Variants in AFG2A observed in about 807,000 individuals in gnomAD.
AFG2A encodes AAA ATPase AFG2A, also known as ATPase family gene 2 protein homolog A.
the AFG2A span, among the ~76,000 whole-genome samples, chr4:123,261,075 T>A: frequency 6.6e-6 from 1 of 152,132 alleles, no homozygotes; most frequent in Non-Finnish European, 1.5e-5. Flanking sequence ...ACAGTTTCAT[T>A]CCGAAACCAT....
At chr4:123,104,544 C>A in the AFG2A span, among the ~76,000 whole-genome samples, 1 of 152,142 alleles carries the variant, frequency 6.6e-6, no homozygotes, top group Non-Finnish European at 1.5e-5. Flanking sequence ...AATGGCATGT[C>A]AAAAGCTGAG....
the AFG2A span, among the ~76,000 whole-genome samples, chr4:123,023,731 C>T: frequency 0.021 from 3,266 of 152,146 alleles, 59 homozygotes; most frequent in Non-Finnish European, 0.035. Flanking sequence ...TATACTAACA[C>T]GGGCTCCGAG....
At chr4:123,040,785 T>A in the AFG2A span, among the ~76,000 whole-genome samples, 1 of 152,186 alleles carries the variant, frequency 6.6e-6, no homozygotes, top group South Asian at 2.1e-4. Context: ...ATTTAAAAAA[T>A]TGAGATATGG....
chr4:122,934,653 G>C, the AFG2A span: 4 of 1,612,360 alleles, frequency 2.5e-6, no homozygotes, highest in Middle Eastern at 1.6e-4. Flanking sequence ...CTTATGACAT[G>C]ATAGGAGGAT....
chr4:122,994,256 A>G, the AFG2A span, among the ~76,000 whole-genome samples: 28 of 152,138 alleles, frequency 1.8e-4, no homozygotes, highest in Admixed American at 1.8e-3. Context: ...GTACTGTGCT[A>G]TCTACTCTGG....
At chr4:122,993,771 A>G in the AFG2A span, among the ~76,000 whole-genome samples, 2 of 151,948 alleles carry the variant, frequency 1.3e-5, no homozygotes, top group Admixed American at 6.5e-5. Flanking sequence ...ATTGTCAGAA[A>G]TTGATATTGA....
At chr4:123,114,128 C>T in the AFG2A span, among the ~76,000 whole-genome samples, 14 of 152,052 alleles carry the variant, frequency 9.2e-5, no homozygotes, top group African/African-American at 2.4e-4. Context: ...TCTCTGCAGT[C>T]GGTCCCTCCA....
chr4:123,021,546 T>C, the AFG2A span, among the ~76,000 whole-genome samples: 1 of 152,230 alleles, frequency 6.6e-6, no homozygotes, highest in Non-Finnish European at 1.5e-5. Flanking sequence ...AATCACTTGA[T>C]TGATGTGTTT....
chr4:123,223,611 G>A, the AFG2A span, among the ~76,000 whole-genome samples: 1 of 152,074 alleles, frequency 6.6e-6, no homozygotes, highest in Non-Finnish European at 1.5e-5. Flanking sequence ...ATACATTTGA[G>A]CAACCAAATC....
the AFG2A span, chr4:122,928,931 G>C: frequency 3.2e-3 from 4,333 of 1,344,086 alleles, 75 homozygotes; most frequent in Admixed American, 0.04. Flanking sequence ...GGTAAAGACT[G>C]TATTTTGCAT....
chr4:123,033,929 A>C, the AFG2A span, among the ~76,000 whole-genome samples: 3 of 152,144 alleles, frequency 2.0e-5, no homozygotes, highest in African/African-American at 7.2e-5. Flanking sequence ...CTTCTTTCCA[A>C]AGAATTTAAT....
At chr4:123,004,519 C>G in the AFG2A span, among the ~76,000 whole-genome samples, 1 of 152,164 alleles carries the variant, frequency 6.6e-6, no homozygotes, top group Admixed American at 6.5e-5. Context: ...CTTAGTCTGT[C>G]AATATGAATT....
chr4:123,026,959 G>C, the AFG2A span, among the ~76,000 whole-genome samples: 1 of 152,046 alleles, frequency 6.6e-6, no homozygotes, highest in Admixed American at 6.6e-5. Flanking sequence ...TCTGAATCCT[G>C]AATATTACCC....
At chr4:123,252,886 T>C in the AFG2A span, among the ~76,000 whole-genome samples, 1 of 152,246 alleles carries the variant, frequency 6.6e-6, no homozygotes, top group African/African-American at 2.4e-5. Flanking sequence ...ATGTACTCTC[T>C]TATGTCTGTT....
At chr4:123,199,988 ATG>A in the AFG2A span, among the ~76,000 whole-genome samples, 2 of 152,242 alleles carry the variant, frequency 1.3e-5, no homozygotes, top group Non-Finnish European at 2.9e-5. Context: ...ATTATAAAAC[ATG>A]TTCTAAGGAA....
At chr4:123,022,239 A>C in the AFG2A span, among the ~76,000 whole-genome samples, 2 of 151,884 alleles carry the variant, frequency 1.3e-5, no homozygotes, top group South Asian at 2.1e-4. Context: ...CTACCATCAG[A>C]GTGAACAGGC....
At chr4:123,235,688 T>G in the AFG2A span, among the ~76,000 whole-genome samples, 1 of 152,172 alleles carries the variant, frequency 6.6e-6, no homozygotes, top group Non-Finnish European at 1.5e-5. Context: ...TTTTCAGTAC[T>G]CATATTTGGA....
At chr4:123,216,815 T>C in the AFG2A span, among the ~76,000 whole-genome samples, 31 of 152,102 alleles carry the variant, frequency 2.0e-4, no homozygotes, top group Non-Finnish European at 3.7e-4. Flanking sequence ...CCACTTTGCC[T>C]TGCCAGTTTT....
At chr4:123,166,093 G>T in the AFG2A span, among the ~76,000 whole-genome samples, 2 of 152,090 alleles carry the variant, frequency 1.3e-5, no homozygotes, top group East Asian at 3.8e-4. Flanking sequence ...TATCTGTGAT[G>T]GTTAATACTG....
Sources: gnomAD v4.1 joint callset for allele counts (sites outside exome capture counted in the v4.1 genomes callset) on GRCh38, gnomAD v4.1.1 for gene constraint, MANE v1.5 for transcripts, NCBI Gene and HGNC (gene_info 2026-07-23, HGNC 2026-07-21) for gene names.